The following GTF2I variants were observed in gnomAD, a reference collection of about 807,000 sequenced individuals.
GTF2I encodes the protein general transcription factor IIi.
In GTF2I, 12 loss-of-function variants were observed where a neutral mutation model predicts 67.6. The observed-to-expected ratio is 0.18, with a 90% CI of 0.11 to 0.29. The LOEUF (loss-of-function observed/expected upper bound fraction) is 0.29, where lower values mean the gene tolerates loss of function less well. GTF2I is among the 10% of genes least tolerant of loss of function. GTF2I has a pLI of 1.00. For missense variants in GTF2I, 271 were observed against 580.1 expected (o/e 0.47, Z 5.47); for synonymous variants, 149 against 197.0 (o/e 0.76, Z 2.04).
intron 1 of GTF2I, among the ~76,000 whole-genome samples, chr7:74,658,971 C>T (rs1243832688): frequency 1.3e-5 from 2 of 152,160 alleles, no homozygotes; most frequent in African/African-American, 4.8e-5. Context: ...ATTTTGTCCT[C>T]CCTAGGTTAT....
Position 74,684,003 on chromosome 7 carries a change from CAGAT to C in GTF2I, c.-5-5118_-5-5115del, listed in dbSNP as rs1410380552. The stretch of plus-strand genomic sequence containing the variant: ...ACCTCTGAGTTTTGATGTGTCATGA[CAGAT>C]AGGAGAGGTCATATCCTTGTGATTT... On this transcript the variant is annotated intron_variant, in intron 1 of 34. Coordinates refer to ENST00000573035, the MANE Select transcript of GTF2I (RefSeq NM_032999.4). 2.0e-5 allele frequency among the ~76,000 whole-genome samples: 3 copies of C among 151,852 alleles called. No homozygotes were observed. The East Asian group carries it at 5.8e-4, about 29-fold the overall frequency.
In GTF2I at chr7:74,718,927, A is replaced by G; in HGVS notation, c.929A>G (p.Glu310Gly). Residue 310 changes from glutamate (E) to glycine (G), a missense_variant, in exon 12 of 35, where the codon GAG becomes GGG. Physicochemically the swap from Glu to Gly is moderately conservative, Grantham distance 98 (BLOSUM62 -2). Transcript: ENST00000573035. ...PSETSEDPEVEVTIEDDDYSP... is the reference protein window; with the variant it reads ...PSETSEDPEVGVTIEDDDYSP... ...GAAACAAGTGAGGACCCTGAAGTTG[A>G]GGTGACTATTGAAGGTTAGTTATCT... 1.3e-6 allele frequency: 2 copies of G among 1,562,898 alleles called. No homozygotes were observed. The highest frequency in any genetic ancestry group is 1.7e-6 in the Non-Finnish European group (2 of 1,145,534).
chr7:74,706,397 C>G lies in GTF2I; in HGVS notation c.649C>G (p.Pro217Ala). The G allele has an allele frequency of 6.2e-7, 1 of 1,613,518 alleles. No individual in the cohort carries two copies. The highest frequency in any genetic ancestry group is 8.5e-7 in the Non-Finnish European group (1 of 1,179,540). ...GCTTTCTTCTCCTTGCAGTTGTGGCCCCATCAAAGTGAAAACTGAACCCAC... is the reference window on the plus strand; with the variant it reads ...GCTTTCTTCTCCTTGCAGTTGTGGCGCCATCAAAGTGAAAACTGAACCCAC... ...SILSPGGSCG[P>A]IKVKTEPTED... Residue 217 changes from proline (P) to alanine (A), a missense_variant, in exon 8 of 35, where the codon CCC becomes GCC. This residue lies in a region of GTF2I where 124 missense variants were observed against 147.0 expected (regional missense o/e 0.84). Coordinates refer to ENST00000573035, the MANE Select transcript of GTF2I (RefSeq NM_032999.4).
chr7:74,717,851 C>G (rs1792449228), intron 11 of GTF2I, among the ~76,000 whole-genome samples: 1 of 152,152 alleles, frequency 6.6e-6, no homozygotes, highest in African/African-American at 2.4e-5. Context: ...GGGTTTCTCC[C>G]TGGAATACAT....
At chr7:74,723,428 C>CCTTTTTTTTTTTTTT (rs1793319970) in intron 12 of GTF2I, among the ~76,000 whole-genome samples, 3 of 61,072 alleles carry the variant, frequency 4.9e-5, no homozygotes, top group African/African-American at 2.5e-4. Flanking sequence ...CTCCCGGCCT[C>CCTTTTTTTTTTTTTT]TTTTTTTTTT....
chr7:74,699,333 C>G (rs1554399285), intron 4 of GTF2I: 2 of 207,730 alleles, frequency 9.6e-6, no homozygotes, highest in African/African-American at 4.7e-5. Flanking sequence ...CGCTCTGTCG[C>G]CCAGGCTGGA....
chr7:74,721,133 G>A (rs371070973), intron 12 of GTF2I, among the ~76,000 whole-genome samples: 20 of 152,172 alleles, frequency 1.3e-4, no homozygotes, highest in East Asian at 7.7e-4. Context: ...CCTCCGCCTC[G>A]CAGGTTCAAG....
intron 1 of GTF2I, among the ~76,000 whole-genome samples, chr7:74,674,069 C>CT (rs35948360): frequency 1.1e-3 from 150 of 132,476 alleles, no homozygotes; most frequent in South Asian, 7.0e-3. Flanking sequence ...TGATCTATGA[C>CT]TTTTTTTTTT....
At position 74,705,215 on chromosome 7, in the gene GTF2I, G is replaced by C. The variant is rs1554401036; in HGVS notation, c.638G>C (p.Gly213Ala). The stretch of plus-strand genomic sequence containing the variant: ...GACAGGTCAATACTATCTCCAGGTG[G>C]AAGGTAAAACCTAATTTCATTACTG... ...DADRSILSPG[G>A]SCGPIKVKTE... The change falls in exon 7 of 35, where the codon GGA becomes GCA. Residue 213 changes from glycine to alanine, a missense_variant. This residue lies in a region of GTF2I where 124 missense variants were observed against 147.0 expected (regional missense o/e 0.84). Transcript: ENST00000573035. 6.3e-7 allele frequency: 1 copy of C among 1,589,678 alleles called. No individual in the cohort carries two copies.
chr7:74,666,500 C>T (rs947624671), intron 1 of GTF2I, among the ~76,000 whole-genome samples: 4 of 148,064 alleles, frequency 2.7e-5, no homozygotes, highest in African/African-American at 7.5e-5. Context: ...CTCCTTCCTC[C>T]TGTTCGTTTT....
At chr7:74,720,792 G>C (rs1046246674) in intron 12 of GTF2I, among the ~76,000 whole-genome samples, 5 of 149,104 alleles carry the variant, frequency 3.4e-5, no homozygotes, top group South Asian at 4.2e-4. Flanking sequence ...GCCCAGGCTG[G>C]AGTGCAGTGG....
chr7:74,679,145 C>G (rs1335515910), intron 1 of GTF2I, among the ~76,000 whole-genome samples: 2 of 151,696 alleles, frequency 1.3e-5, no homozygotes, highest in Non-Finnish European at 2.9e-5. Context: ...GTGGCGTGAA[C>G]TTGGATCACT....
At chr7:74,665,932 C>T (rs1246515023) in intron 1 of GTF2I, among the ~76,000 whole-genome samples, 5 of 152,314 alleles carry the variant, frequency 3.3e-5, no homozygotes, top group Admixed American at 1.3e-4. Context: ...CTCTGCCTCC[C>T]GGGTTCAAGT....
At chr7:74,719,953 C>A (rs587721910) in intron 12 of GTF2I, among the ~76,000 whole-genome samples, 1 of 152,116 alleles carries the variant, frequency 6.6e-6, no homozygotes, top group Non-Finnish European at 1.5e-5. Context: ...TAATGTGTCA[C>A]AATACTTGTG....
intron 14 of GTF2I, among the ~76,000 whole-genome samples, chr7:74,730,713 CTTTTTTTTT>C (rs869183139): frequency 3.1e-5 from 2 of 63,918 alleles, no homozygotes; most frequent in Admixed American, 2.5e-4. Context: ...CTACTTTTAT[CTTTTTTTTT>C]TTTTTTTTTT....
chr7:74,720,280 G>C (rs908389849), intron 12 of GTF2I, among the ~76,000 whole-genome samples: 1 of 151,898 alleles, frequency 6.6e-6, no homozygotes, highest in Admixed American at 6.6e-5. Context: ...ACCTTTCTTG[G>C]TTTGCTGTCT....
chr7:74,725,463 G>C (rs1793630299), intron 12 of GTF2I, among the ~76,000 whole-genome samples: 1 of 152,034 alleles, frequency 6.6e-6, no homozygotes. Context: ...AAGGCAGGAG[G>C]ATCACTTGAG....
intron 1 of GTF2I, among the ~76,000 whole-genome samples, chr7:74,664,897 G>C (rs782221065): frequency 6.6e-6 from 1 of 152,036 alleles, no homozygotes; most frequent in South Asian, 2.1e-4. Context: ...TTTCCTGCCT[G>C]TGCGACCTTG....
At position 74,716,928 on chromosome 7, in the gene GTF2I, A is replaced by C; in HGVS notation, c.858A>C (p.Thr286=). The C allele has an allele frequency of 6.2e-7, 1 of 1,607,808 alleles. No homozygotes were observed. ...SHHSSEGNEG[T]EMEVPAEDST... Reference sequence around the variant, plus strand: ...ATTCTTCAGAGGGCAATGAAGGCACAGAAATGGAAGTACCAGCAGAAGGTT... The same window carrying C: ...ATTCTTCAGAGGGCAATGAAGGCACCGAAATGGAAGTACCAGCAGAAGGTT... The change falls in exon 11 of 35, where the codon ACA becomes ACC. Residue 286 remains threonine (T), a synonymous_variant. Transcript: ENST00000573035.
Sources: gnomAD v4.1 joint callset for allele counts (sites outside exome capture counted in the v4.1 genomes callset) on GRCh38, gnomAD v4.1.1 for gene constraint, gnomAD v4.1.1 regional missense constraint, MANE v1.5 for transcripts, NCBI Gene and HGNC (gene_info 2026-07-23, HGNC 2026-07-21) for gene names.